Variants in UTP4 observed in about 807,000 individuals in gnomAD.
UTP4 encodes the protein U3 small nucleolar RNA-associated protein 4 homolog.
UTP4 carries 45 observed loss-of-function variants against 82.4 expected under a neutral mutation model. The observed-to-expected ratio is 0.55, with a 90% CI of 0.43 to 0.70. The LOEUF is 0.70. UTP4 is among the 30% of genes least tolerant of loss of function. The pLI, the probability that UTP4 is intolerant of heterozygous loss-of-function variation, is 0.00. For synonymous variants in UTP4, 348 were observed against 300.3 expected (o/e 1.16, Z -1.64); for missense variants, 819 against 858.3 (o/e 0.95, Z 0.57).
chr16:69,155,825 A>G (rs1271503077), intron 10 of UTP4, 46 bp from the exon 11 acceptor site: 41 of 1,612,776 alleles, frequency 2.5e-5, no homozygotes, highest in Non-Finnish European at 3.4e-5. Flanking sequence ...GCACCTTGTT[A>G]TGTGAAGTTT....
At chr16:69,142,897 C>T (rs936552609) in intron 5 of UTP4, among the ~76,000 whole-genome samples, 7 of 152,190 alleles carry the variant, frequency 4.6e-5, no homozygotes, top group Admixed American at 4.6e-4. Context: ...TCCTGTTAGG[C>T]TCTCCCAACA....
chr16:69,160,246 G>T (rs1167173281), intron 12 of UTP4, 110 bp from the exon 13 acceptor site: 3 of 830,308 alleles, frequency 3.6e-6, no homozygotes, highest in Non-Finnish European at 6.4e-6. Context: ...AATTATCCTG[G>T]CAGTGATTTA....
chr16:69,167,442 TAG>T (rs1188533405), intron 16 of UTP4: 1 of 456,030 alleles, frequency 2.2e-6, no homozygotes, highest in African/African-American at 2.0e-5. Context: ...GCGCTGAGGG[TAG>T]AGTCTTTGTT....
intron 2 of UTP4, among the ~76,000 whole-genome samples, chr16:69,135,367 C>T (rs969772167): frequency 6.6e-5 from 10 of 152,080 alleles, no homozygotes; most frequent in East Asian, 3.9e-4. Flanking sequence ...CTACTAGATA[C>T]GATTGCTTAG....
intron 9 of UTP4, 34 bp from the exon 10 acceptor site, chr16:69,154,359 A>C (rs369518930): frequency 2.0e-6 from 3 of 1,528,788 alleles, no homozygotes; most frequent in Admixed American, 3.4e-5. Flanking sequence ...TCTTTCTTTC[A>C]TAAGAAAAAT....
intron 11 of UTP4, 37 bp downstream of exon 11, chr16:69,156,030 A>G (rs1435674226): frequency 6.2e-7 from 1 of 1,607,786 alleles, no homozygotes; most frequent in Admixed American, 1.7e-5. Context: ...CATAAGAGGA[A>G]ACTTCCTAAA....
At chr16:69,147,094 T>C (rs998637627) in intron 6 of UTP4, among the ~76,000 whole-genome samples, 16 of 149,494 alleles carry the variant, frequency 1.1e-4, no homozygotes, top group Non-Finnish European at 1.9e-4. Context: ...GGAGAATTGC[T>C]TGAACCCGGG....
At chr16:69,148,479 G>A (rs180896968) in intron 6 of UTP4, among the ~76,000 whole-genome samples, 25 of 152,052 alleles carry the variant, frequency 1.6e-4, no homozygotes, top group Admixed American at 3.9e-4. Context: ...TGATCCGCCC[G>A]CCTCAGCCTC....
At chr16:69,143,834 A>T (rs1192910049) in intron 6 of UTP4, among the ~76,000 whole-genome samples, 1 of 152,174 alleles carries the variant, frequency 6.6e-6, no homozygotes, top group African/African-American at 2.4e-5. Flanking sequence ...AAGTGCTGGG[A>T]TTATAGGCAG....
intron 8 of UTP4, 26 bp from the exon 9 acceptor site, chr16:69,153,558 T>C: frequency 5.7e-6 from 9 of 1,575,512 alleles, no homozygotes; most frequent in Non-Finnish European, 7.8e-6. Flanking sequence ...GACTTATTTT[T>C]TTAACTTCTT....
intron 6 of UTP4, among the ~76,000 whole-genome samples, chr16:69,150,132 T>C (rs777571262): frequency 1.3e-5 from 2 of 152,222 alleles, no homozygotes; most frequent in Non-Finnish European, 2.9e-5. Context: ...TACATTTCTT[T>C]AGTGATAATA....
chr16:69,144,483 C>G (rs1439724339), intron 6 of UTP4, among the ~76,000 whole-genome samples: 2 of 152,196 alleles, frequency 1.3e-5, no homozygotes, highest in African/African-American at 4.8e-5. Flanking sequence ...CCACCACACC[C>G]AGCCTATTAT....
chr16:69,157,318 G>A (rs756814374), intron 12 of UTP4, 78 bp downstream of exon 12: 40 of 1,451,052 alleles, frequency 2.8e-5, no homozygotes, highest in African/African-American at 4.2e-5. Flanking sequence ...CCTCCATGTC[G>A]GGGGTTCCCT....
rs147642795 is a variant in UTP4 at position 69,156,853 on chromosome 16, T to C, written c.1288-231T>C. Among the ~76,000 whole-genome samples, 55 of 152,344 alleles carry C rather than the reference T, an allele frequency of 3.6e-4. No individual in the cohort carries two copies. In the East Asian group the frequency reaches 8.3e-3, roughly 23 times the overall value. ...GCAATAAAATTAAAGCTTTTCTGTT[T>C]AGTGGTTTCACGTGCGACTTAGTTA... On this transcript the variant is annotated intron_variant, in intron 11 of 16. Transcript: ENST00000314423.
Position 69,143,366 on chromosome 16 carries a change from G to A in UTP4, c.715G>A (p.Val239Met), listed in dbSNP as rs375079380. 1.5e-5 allele frequency: 24 copies of A among 1,614,020 alleles called. No homozygotes were observed. In the African/African-American group the frequency reaches 2.0e-4, roughly 13 times the overall value. Reference sequence around the variant, plus strand: ...GAGCCATCTCATCGCTAATGCTGACGTGCAGTCCATTGCTGTAGCTGACGT... The same window carrying A: ...GAGCCATCTCATCGCTAATGCTGACATGCAGTCCATTGCTGTAGCTGACGT... ...VKSHLIANADVQSIAVADQED... is the reference protein window; with the variant it reads ...VKSHLIANADMQSIAVADQED... The change falls in exon 6 of 17, where the codon GTG (valine) becomes ATG (methionine). Residue 239 changes from valine (V) to methionine (M), a missense_variant. Coordinates refer to ENST00000314423, the MANE Select transcript of UTP4 (RefSeq NM_032830.3).
At chr16:69,154,744 T>TTTA (rs1567376909) in intron 10 of UTP4, among the ~76,000 whole-genome samples, 1 of 124,596 alleles carries the variant, frequency 8.0e-6, no homozygotes, top group Non-Finnish European at 1.8e-5. Flanking sequence ...TTATTTATTT[T>TTTA]TGAGACGGAG....
intron 12 of UTP4, among the ~76,000 whole-genome samples, chr16:69,158,888 A>G (rs968639005): frequency 3.3e-5 from 5 of 152,038 alleles, no homozygotes; most frequent in Admixed American, 1.3e-4. Context: ...TCACTGTCCA[A>G]TTTTTATCCC....
At chr16:69,137,927 G>A in intron 4 of UTP4, 42 bp downstream of exon 4, 2 of 1,222,292 alleles carry the variant, frequency 1.6e-6, no homozygotes, top group East Asian at 4.6e-5. Flanking sequence ...GCCTTAACAA[G>A]AAATTAAGTT....
chr16:69,161,523 T>C (rs1963561493), intron 13 of UTP4, among the ~76,000 whole-genome samples: 1 of 152,274 alleles, frequency 6.6e-6, no homozygotes, highest in African/African-American at 2.4e-5. Context: ...CCTAGGCATT[T>C]ATTTATTTTA....
Sources: gnomAD v4.1 joint callset for allele counts (sites outside exome capture counted in the v4.1 genomes callset) on GRCh38, gnomAD v4.1.1 for gene constraint, MANE v1.5 for transcripts, NCBI Gene and HGNC (gene_info 2026-07-23, HGNC 2026-07-21) for gene names.